The following RPS6KC1 variants were observed in gnomAD, a reference collection of about 807,000 sequenced individuals.
RPS6KC1 encodes inactive ribosomal protein S6 kinase delta-1.
A neutral mutation model predicts 103.8 loss-of-function variants in RPS6KC1; 54 were observed. The ratio of observed to expected loss-of-function variants is 0.52; its 90% CI spans 0.42 to 0.65. The LOEUF (loss-of-function observed/expected upper bound fraction) is 0.65. Among genes scored for constraint, RPS6KC1 ranks in the 30% least tolerant of loss-of-function variants. The pLI is 0.00. For missense variants in RPS6KC1, 1,151 were observed against 1,253.8 expected, an observed-to-expected ratio of 0.92 and a Z score of 1.24; for synonymous variants, 439 against 438.7, an observed-to-expected ratio of 1.00 and a Z score of -0.01.
At chr1:213,510,783 T>C in the RPS6KC1 span, among the ~76,000 whole-genome samples, 12 of 152,176 alleles carry the variant, frequency 7.9e-5, no homozygotes, top group African/African-American at 1.9e-4. Flanking sequence ...CTACCATTAT[T>C]GATGCTGTTT....
chr1:213,783,436 G>A, the RPS6KC1 span, among the ~76,000 whole-genome samples: 4 of 152,296 alleles, frequency 2.6e-5, no homozygotes, highest in East Asian at 5.8e-4. Flanking sequence ...GACATCTGCA[G>A]AAAGGCCGAC....
chr1:213,052,142 A>G (rs2077001752), intron 1 of RPS6KC1, among the ~76,000 whole-genome samples: 1 of 152,216 alleles, frequency 6.6e-6, no homozygotes, highest in East Asian at 1.9e-4. Context: ...TAACTGGTCC[A>G]ATTTTTAGTA....
chr1:213,311,112 G>A, the RPS6KC1 span, among the ~76,000 whole-genome samples: 1 of 152,158 alleles, frequency 6.6e-6, no homozygotes, highest in Admixed American at 6.5e-5. Context: ...CATGGGAGAA[G>A]GACTGGTTTT....
At chr1:213,717,183 G>A in the RPS6KC1 span, among the ~76,000 whole-genome samples, 4 of 152,312 alleles carry the variant, frequency 2.6e-5, no homozygotes, top group African/African-American at 9.6e-5. Context: ...AAAAGGCATA[G>A]CCCTGCCCTC....
chr1:213,162,535 A>C (rs2090579821), intron 6 of RPS6KC1, among the ~76,000 whole-genome samples: 1 of 152,130 alleles, frequency 6.6e-6, no homozygotes, highest in South Asian at 2.1e-4. Context: ...TTCCTGCCTC[A>C]GCCTCTCACA....
chr1:213,604,769 T>C, the RPS6KC1 span, among the ~76,000 whole-genome samples: 1 of 152,162 alleles, frequency 6.6e-6, no homozygotes, highest in African/African-American at 2.4e-5. Context: ...ATCTTGATGT[T>C]CTGTGCTCAG....
chr1:213,507,549 AT>A, the RPS6KC1 span, among the ~76,000 whole-genome samples: 14,020 of 142,570 alleles, frequency 0.098, 1,933 homozygotes, highest in African/African-American at 0.31. Context: ...CAACCCTCTC[AT>A]TTTTTTTTTT....
At chr1:213,813,954 T>C in the RPS6KC1 span, among the ~76,000 whole-genome samples, 4 of 152,232 alleles carry the variant, frequency 2.6e-5, no homozygotes, top group Non-Finnish European at 5.9e-5. Flanking sequence ...ACCACTGCTC[T>C]CAGAGCAGGA....
At chr1:213,799,118 A>G in the RPS6KC1 span, among the ~76,000 whole-genome samples, 1 of 152,196 alleles carries the variant, frequency 6.6e-6, no homozygotes, top group African/African-American at 2.4e-5. Context: ...TATTTTCATT[A>G]ATTCTTCCTT....
the RPS6KC1 span, among the ~76,000 whole-genome samples, chr1:213,495,596 C>T: frequency 4.6e-5 from 7 of 152,350 alleles, no homozygotes; most frequent in Admixed American, 3.9e-4. Context: ...GCTGGGATTA[C>T]AGGCGTGAGC....
At chr1:213,807,123 C>A in the RPS6KC1 span, among the ~76,000 whole-genome samples, 1 of 152,218 alleles carries the variant, frequency 6.6e-6, no homozygotes, top group African/African-American at 2.4e-5. Flanking sequence ...TCTCTTCTGG[C>A]TTGTAGAGTT....
At chr1:213,425,113 A>G in the RPS6KC1 span, among the ~76,000 whole-genome samples, 1 of 151,966 alleles carries the variant, frequency 6.6e-6, no homozygotes, top group Non-Finnish European at 1.5e-5. Context: ...CCGCTCACCC[A>G]TTACCTACAC....
the RPS6KC1 span, among the ~76,000 whole-genome samples, chr1:213,583,736 G>A: frequency 1.4e-5 from 2 of 145,570 alleles, no homozygotes; most frequent in Admixed American, 7.2e-5. Flanking sequence ...GAGGAGAATC[G>A]CTTGAACCCG....
intron 6 of RPS6KC1, among the ~76,000 whole-genome samples, chr1:213,140,846 GA>G (rs1000921701): frequency 5.6e-5 from 5 of 89,080 alleles, no homozygotes; most frequent in Admixed American, 2.1e-4. Flanking sequence ...GGAATCCCTT[GA>G]TTTTTTTTTT....
chr1:213,053,968 T>C (rs1318450495), intron 1 of RPS6KC1, among the ~76,000 whole-genome samples: 1 of 152,110 alleles, frequency 6.6e-6, no homozygotes, highest in Non-Finnish European at 1.5e-5. Context: ...CTCAAGTAGC[T>C]GGGATTACAG....
At chr1:213,369,204 A>C in the RPS6KC1 span, among the ~76,000 whole-genome samples, 4 of 152,186 alleles carry the variant, frequency 2.6e-5, no homozygotes, top group African/African-American at 9.7e-5. Context: ...AACTTCTAAG[A>C]TGGTTGAAGT....
At chr1:213,643,028 T>A in the RPS6KC1 span, among the ~76,000 whole-genome samples, 1 of 151,910 alleles carries the variant, frequency 6.6e-6, no homozygotes, top group Admixed American at 6.6e-5. Flanking sequence ...TTCATTGGTG[T>A]TTTCATCTAT....
At chr1:213,727,933 G>T in the RPS6KC1 span, among the ~76,000 whole-genome samples, 2 of 152,188 alleles carry the variant, frequency 1.3e-5, no homozygotes, top group Non-Finnish European at 2.9e-5. Context: ...GCGATAAAAT[G>T]CGTATCTAAG....
chr1:213,385,516 T>A, the RPS6KC1 span, among the ~76,000 whole-genome samples: 1 of 152,156 alleles, frequency 6.6e-6, no homozygotes, highest in Non-Finnish European at 1.5e-5. Context: ...TGGTGGAGGA[T>A]GTTATAGGCA....
Sources: allele counts gnomAD v4.1 joint callset (sites outside exome capture counted in the v4.1 genomes callset), GRCh38; gene constraint gnomAD v4.1.1; transcripts MANE v1.5; gene names NCBI Gene and HGNC (gene_info 2026-07-23, HGNC 2026-07-21).